Variants in PSD3 observed in about 807,000 individuals in gnomAD.
The protein encoded by PSD3 is pleckstrin and Sec7 domain containing 3.
Under a neutral mutation model 105.5 loss-of-function variants are expected in PSD3, and 49 were observed. That is an observed-to-expected ratio of 0.46 (90% CI 0.37 to 0.59). PSD3 has a LOEUF of 0.59. PSD3 is among the 20% of genes least tolerant of loss of function. PSD3 has a pLI of 0.00. For synonymous variants in PSD3, 557 were observed against 457.8 expected (o/e 1.22, Z -2.77); for missense variants, 1,561 against 1,263.8 (o/e 1.24, Z -3.57).
intron 15 of PSD3, among the ~76,000 whole-genome samples, chr8:18,554,827 G>C (rs2130127930): frequency 6.6e-6 from 1 of 152,226 alleles, no homozygotes; most frequent in Admixed American, 6.5e-5. Flanking sequence ...GTTTTTCATA[G>C]GAGGAATTTG....
At chr8:18,716,114 A>G (rs1477185897) in intron 9 of PSD3, among the ~76,000 whole-genome samples, 1 of 152,206 alleles carries the variant, frequency 6.6e-6, no homozygotes, top group Non-Finnish European at 1.5e-5. Flanking sequence ...CCATGAGTGC[A>G]GAGAACAAAA....
At chr8:18,639,149 G>C (rs1328219655) in intron 10 of PSD3, among the ~76,000 whole-genome samples, 1 of 152,206 alleles carries the variant, frequency 6.6e-6, no homozygotes, top group African/African-American at 2.4e-5. Flanking sequence ...CATCCCAAGA[G>C]AGGGAGTAAG....
chr8:18,726,493 C>A (rs1397035239), intron 9 of PSD3, among the ~76,000 whole-genome samples: 1 of 152,164 alleles, frequency 6.6e-6, no homozygotes, highest in African/African-American at 2.4e-5. Flanking sequence ...ATATCAAACC[C>A]TAAATATAGA....
chr8:18,819,073 A>AAC (rs3042922), intron 4 of PSD3, among the ~76,000 whole-genome samples: 3 of 151,650 alleles, frequency 2.0e-5, no homozygotes, highest in African/African-American at 4.9e-5. Context: ...ACTTCCCGGC[A>AAC]AGACTACCTA....
intron 10 of PSD3, among the ~76,000 whole-genome samples, chr8:18,636,126 G>A (rs1807234315): frequency 6.6e-6 from 1 of 152,124 alleles, no homozygotes; most frequent in African/African-American, 2.4e-5. Context: ...ACCTTCCAGT[G>A]GGACAATACA....
intron 11 of PSD3, among the ~76,000 whole-genome samples, chr8:18,610,251 T>C (rs1243988608): frequency 6.6e-6 from 1 of 152,234 alleles, no homozygotes; most frequent in African/African-American, 2.4e-5. Context: ...GTGGATGAAC[T>C]GCAACCTAAC....
chr8:18,970,107 C>G (rs890451307), intron 1 of PSD3, among the ~76,000 whole-genome samples: 3 of 151,482 alleles, frequency 2.0e-5, no homozygotes, highest in African/African-American at 7.3e-5. Context: ...GGGCGGATCA[C>G]GAGGTCAGGA....
At chr8:18,545,530 T>A (rs1800404554) in intron 15 of PSD3, among the ~76,000 whole-genome samples, 1 of 152,248 alleles carries the variant, frequency 6.6e-6, no homozygotes, top group African/African-American at 2.4e-5. Context: ...AGCTTCCACT[T>A]ACCCAAGATA....
chr8:18,646,099 A>C (rs1808015523), intron 10 of PSD3, among the ~76,000 whole-genome samples: 2 of 152,126 alleles, frequency 1.3e-5, no homozygotes, highest in African/African-American at 4.8e-5. Context: ...GACACTGAGA[A>C]TGTTATTCTA....
At chr8:18,616,386 G>A (rs1409099976) in intron 11 of PSD3, among the ~76,000 whole-genome samples, 2 of 152,202 alleles carry the variant, frequency 1.3e-5, no homozygotes, top group African/African-American at 4.8e-5. Flanking sequence ...TCTTTTGTGG[G>A]GGAGATTTGC....
chr8:18,819,407 C>T (rs931908683), intron 4 of PSD3, among the ~76,000 whole-genome samples: 48 of 151,982 alleles, frequency 3.2e-4, no homozygotes, highest in South Asian at 2.1e-4. Context: ...GCCAGAGATG[C>T]TACTCAATAG....
chr8:18,708,158 G>C (rs1201375686), intron 9 of PSD3, among the ~76,000 whole-genome samples: 2 of 152,210 alleles, frequency 1.3e-5, no homozygotes, highest in Non-Finnish European at 2.9e-5. Flanking sequence ...TTTTAATGGG[G>C]CTCACTTTAA....
intron 4 of PSD3, among the ~76,000 whole-genome samples, chr8:18,814,561 A>G (rs1013627532): frequency 2.6e-5 from 4 of 152,230 alleles, no homozygotes; most frequent in East Asian, 1.9e-4. Context: ...TGAGAATGTA[A>G]TATGTGCAAG....
At chr8:18,765,575 C>A in intron 8 of PSD3, 37 bp from the exon 9 acceptor site, 1 of 1,444,908 alleles carries the variant, frequency 6.9e-7, no homozygotes, top group Non-Finnish European at 9.7e-7. Context: ...CTATGACATT[C>A]ATGGAATTAA....
rs1368885215 is a variant in PSD3, at chr8:18,528,590, G to A, written c.*7153C>T. The A allele has an allele frequency of 1.3e-5, 2 of 152,238 alleles. No homozygotes were observed. The highest frequency in any genetic ancestry group is 2.9e-5 in the Non-Finnish European group (2 of 68,072). 9.4% of individuals were successfully genotyped at this position (152,238 alleles called of 1,614,324 possible). A position where few individuals can be genotyped will look rare whatever the true frequency, so the allele number is the denominator to read the frequency against. ...AGCCTGAGTGAAGTGGCGGCCGGGGGAGAGGTTCCTCTTTGCAGAGATGAT... is the reference window on the plus strand; with the variant it reads ...AGCCTGAGTGAAGTGGCGGCCGGGGAAGAGGTTCCTCTTTGCAGAGATGAT... On this transcript the variant is annotated 3_prime_UTR_variant, in exon 16 of 16. Transcript: ENST00000327040.
chr8:18,778,493 T>C (rs186734026), intron 8 of PSD3, among the ~76,000 whole-genome samples: 209 of 152,238 alleles, frequency 1.4e-3, no homozygotes, highest in African/African-American at 4.2e-3. Context: ...CAGTACTATA[T>C]TGAATATGAG....
At chr8:18,824,595 T>C (rs946766736) in intron 4 of PSD3, among the ~76,000 whole-genome samples, 4 of 152,292 alleles carry the variant, frequency 2.6e-5, no homozygotes, top group African/African-American at 9.6e-5. Flanking sequence ...AAAATAGAAA[T>C]AGAAAAATTA....
chr8:18,868,913 T>G (rs1331748218), intron 3 of PSD3, among the ~76,000 whole-genome samples: 3 of 152,192 alleles, frequency 2.0e-5, no homozygotes, highest in Non-Finnish European at 4.4e-5. Flanking sequence ...GAAGCAACTT[T>G]ACTTAACCTC....
intron 9 of PSD3, among the ~76,000 whole-genome samples, chr8:18,664,280 G>A (rs1401926693): frequency 6.6e-6 from 1 of 152,178 alleles, no homozygotes; most frequent in Non-Finnish European, 1.5e-5. Context: ...AAAAGTTCTT[G>A]AAGAAAATTA....
Sources: allele counts gnomAD v4.1 joint callset (sites outside exome capture counted in the v4.1 genomes callset), GRCh38; gene constraint gnomAD v4.1.1; transcripts MANE v1.5; gene names NCBI Gene and HGNC (gene_info 2026-07-23, HGNC 2026-07-21).